The following COL18A1 variants were observed in gnomAD, a reference collection of about 807,000 sequenced individuals.
COL18A1 encodes the protein collagen type XVIII alpha 1 chain.
Under a neutral mutation model 168.0 loss-of-function variants are expected in COL18A1, and 133 were observed. The ratio of observed to expected loss-of-function variants is 0.79; its 90% CI spans 0.69 to 0.91. COL18A1 has a LOEUF of 0.91. COL18A1 is among the 40% of genes least tolerant of loss of function. The probability of loss-of-function intolerance (pLI) is 0.00; values close to 1 mark genes in which losing one functional copy is unlikely to be tolerated. For missense variants in COL18A1, 2,126 were observed against 1,925.4 expected, an observed-to-expected ratio of 1.10 and a Z score of -1.95; for synonymous variants, 949 against 809.0, an observed-to-expected ratio of 1.17 and a Z score of -2.94.
Position 45,512,495 on chromosome 21 carries a change from C to A in COL18A1, c.*97C>A. ...GCCGGCCAGCCCCTGGCCCCAGGAC[C>A]TGGCTGCCATACTTTCCTGTATAGT... On this transcript the variant is annotated 3_prime_UTR_variant, in exon 42 of 42. Coordinates refer to ENST00000651438, the MANE Select transcript of COL18A1 (RefSeq NM_001379500.1). 1.8e-6 allele frequency: 2 copies of A among 1,136,052 alleles called. No individual in the cohort carries two copies. The highest frequency in any genetic ancestry group is 2.6e-6 in the Non-Finnish European group (2 of 773,228). 70.4% of individuals were successfully genotyped at this position (1,136,052 alleles called of 1,614,324 possible). A position where few individuals can be genotyped will look rare whatever the true frequency, so the allele number is the denominator to read the frequency against.
Position 45,425,350 on chromosome 21 carries a change from C to T in COL18A1, c.106+19877C>T, listed in dbSNP as rs1274678143. 6.6e-6 allele frequency among the ~76,000 whole-genome samples: 1 copy of T among 152,164 alleles called. No homozygotes were observed. Among genetic ancestry groups the T allele is most frequent in the Non-Finnish European group, 1.5e-5 (1 of 68,028 alleles). ...CTCCCTGGACACGCCTGTCAGAGCC[C>T]CAGACTGGGCTCCCCTGGAGGACCC... On this transcript the variant is annotated intron_variant, in intron 2 of 41. Coordinates refer to ENST00000651438, the MANE Select transcript of COL18A1 (RefSeq NM_001379500.1). This position sits in a 1 kb window ranked among gnomAD's most constrained non-coding sequence, Gnocchi z 4.1.
chr21:45,450,341 G>A (rs912721756), intron 2 of COL18A1, among the ~76,000 whole-genome samples: 3 of 152,306 alleles, frequency 2.0e-5, no homozygotes, highest in Non-Finnish European at 4.4e-5. Flanking sequence ...CCAGCCTTCA[G>A]GGTCGAGGTG....
intron 2 of COL18A1, chr21:45,456,471 C>T (rs1357223409): frequency 1.9e-5 from 29 of 1,545,422 alleles, no homozygotes; most frequent in East Asian, 7.4e-5. Context: ...TCTGTGGGGC[C>T]GGGTCTTGCT....
Position 45,504,541 on chromosome 21 carries a change from C to G in COL18A1, c.2853C>G (p.Gly951=). 1 of 1,576,896 alleles carries G rather than the reference C, an allele frequency of 6.3e-7. No individual in the cohort carries two copies. Among genetic ancestry groups the G allele is most frequent in the Non-Finnish European group, 8.6e-7 (1 of 1,162,290 alleles). The change falls in exon 34 of 42, where the codon GGC becomes GGG. Residue 951 remains glycine (G), a synonymous_variant. Coordinates refer to ENST00000651438, the MANE Select transcript of COL18A1 (RefSeq NM_001379500.1). The part of the protein sequence containing the change: ...PGPPGPPGPR[G]YPGIPGPKGE... ...CCCCAGGCCCCCCAGGCCCACGTGG[C>G]TACCCTGGGATTCCAGTAAGTCCCA...
At position 45,427,344 on chromosome 21, in the gene COL18A1, A is replaced by G. The variant is rs147955202; in HGVS notation, c.106+21871A>G. ...TTCTGGGGCAATTCTTAAGGCTGGC[A>G]TTGAATCAGGAGGCCAGATGTGGCC... On this transcript the variant is annotated intron_variant, in intron 2 of 41. Coordinates refer to ENST00000651438, the MANE Select transcript of COL18A1 (RefSeq NM_001379500.1). 9.1e-3 allele frequency among the ~76,000 whole-genome samples: 1,382 copies of G among 152,224 alleles called. 10 individuals carry two copies. The highest frequency in any genetic ancestry group is 0.012 in the Non-Finnish European group (850 of 68,014).
chr21:45,464,113 C>T (rs1368285662), intron 2 of COL18A1, among the ~76,000 whole-genome samples: 1 of 152,124 alleles, frequency 6.6e-6, no homozygotes, highest in Non-Finnish European at 1.5e-5. Context: ...GGAAGAGACA[C>T]ACATCTGCGG....
chr21:45,480,544 G>A (rs369725917), intron 12 of COL18A1, 24 bp downstream of exon 12: 185 of 1,614,016 alleles, frequency 1.1e-4, no homozygotes, highest in East Asian at 1.1e-3. Flanking sequence ...AAACTGCAGC[G>A]CTGCCCGATG....
chr21:45,487,041 GC>G (rs2036139617), intron 16 of COL18A1, 49 bp downstream of exon 16: 2 of 1,467,774 alleles, frequency 1.4e-6, no homozygotes, highest in Admixed American at 2.5e-5. Flanking sequence ...GGCTGCCGTT[GC>G]CCCAGCCCTA....
intron 6 of COL18A1, 74 bp from the exon 7 acceptor site, chr21:45,477,337 C>G: frequency 8.0e-7 from 1 of 1,244,656 alleles, no homozygotes; most frequent in South Asian, 1.3e-5. Context: ...CTGCCGGGGC[C>G]GTCTGGGGTG....
Position 45,485,149 on chromosome 21 carries a change from A to ATTTTTTTTTTTTT in COL18A1, c.1702-1693_1702-1681dup, listed in dbSNP as rs751718038. ...AGGCATCTGCCACCACACCTGGCTA[A>ATTTTTTTTTTTTT]TTTTTTTTTTTTTTTTTTTTTTTTT... On this transcript the variant is annotated intron_variant, in intron 15 of 41. Transcript: ENST00000651438. Among the ~76,000 whole-genome samples the ATTTTTTTTTTTTT allele has an allele frequency of 1.7e-3, 95 of 55,084 alleles. 10 individuals are homozygous for ATTTTTTTTTTTTT. Among genetic ancestry groups the ATTTTTTTTTTTTT allele is most frequent in the Non-Finnish European group, 2.2e-3 (66 of 30,148 alleles). 36.1% of individuals were successfully genotyped at this position (55,084 alleles called of 152,430 possible). A position where few individuals can be genotyped will look rare whatever the true frequency, so the allele number is the denominator to read the frequency against.
intron 2 of COL18A1, among the ~76,000 whole-genome samples, chr21:45,412,249 T>C (rs943304199): frequency 2.6e-5 from 4 of 150,994 alleles, no homozygotes; most frequent in Non-Finnish European, 5.9e-5. Context: ...TTTTTTTTTT[T>C]TTTTCGAGAT....
chr21:45,431,347 G>A (rs1232088305), intron 2 of COL18A1, among the ~76,000 whole-genome samples: 2 of 151,178 alleles, frequency 1.3e-5, no homozygotes, highest in Non-Finnish European at 2.9e-5. Context: ...GTGTGGACCC[G>A]GCGGCCCAGG....
At chr21:45,476,647 C>T (rs1170324999) in intron 6 of COL18A1, among the ~76,000 whole-genome samples, 167 bp downstream of exon 6, 2 of 150,974 alleles carry the variant, frequency 1.3e-5, no homozygotes, top group South Asian at 2.1e-4. Context: ...AAATATATGG[C>T]AGGTGTTTGA....
chr21:45,465,429 G>A (rs142935982), intron 2 of COL18A1, among the ~76,000 whole-genome samples: 1 of 152,214 alleles, frequency 6.6e-6, no homozygotes, highest in African/African-American at 2.4e-5. Flanking sequence ...TGTTTGTTCT[G>A]AGGCCGTTTT....
In COL18A1 at chr21:45,471,992, G is replaced by A. The variant is rs888723205; in HGVS notation, c.652-1903G>A. Among the ~76,000 whole-genome samples, 3 of 152,000 alleles carry A rather than the reference G, an allele frequency of 2.0e-5. No individual in the cohort carries two copies. Among genetic ancestry groups the A allele is most frequent in the South Asian group, 2.1e-4 (1 of 4,820 alleles). On this transcript the variant is annotated intron_variant, in intron 3 of 41. Transcript: ENST00000651438. This position sits in a 1 kb window ranked among gnomAD's most constrained non-coding sequence, Gnocchi z 4.4. ...CAGAGCTTCTCTGCCCTCTGTAGTC[G>A]CCCCCCACCCAGGCACCCTGTAGCC... is the stretch of plus-strand genomic sequence containing the variant.
At position 45,473,780 on chromosome 21, in the gene COL18A1, T is replaced by C. The variant is rs1026773678; in HGVS notation, c.652-115T>C. ...GGGAGGCTGCCCGAGACCCCTTCCC[T>C]CTCCGAGACTCTCCTGCCCTTTGTG... On this transcript the variant is annotated intron_variant, in intron 3 of 41. Transcript: ENST00000651438. This position sits in a 1 kb window ranked among gnomAD's most constrained non-coding sequence, Gnocchi z 4.0. The C allele has an allele frequency of 8.7e-5, 75 of 859,388 alleles. No homozygotes were observed. Among genetic ancestry groups the C allele is most frequent in the Admixed American group, 1.4e-4 (7 of 50,006 alleles). The allele number at this position is 859,388 out of a possible 1,614,324, so 53.2% of individuals were successfully genotyped here. A position where few individuals can be genotyped will look rare whatever the true frequency, so the allele number is the denominator to read the frequency against.
At position 45,511,116 on chromosome 21, in the gene COL18A1, G is replaced by C. The variant is rs1447453546; in HGVS notation, c.3699G>C (p.Glu1233Asp). Residue 1233 changes from glutamate (E) to aspartate (D), a missense_variant, in exon 41 of 42, where the codon GAG becomes GAC. Physicochemically the swap from Glu to Asp is conservative, Grantham distance 45 (BLOSUM62 2). Coordinates refer to ENST00000651438, the MANE Select transcript of COL18A1 (RefSeq NM_001379500.1). ...AAVPIVNLKD[E>D]LLFPSWEALF... ...ACACACGGTTTCTCTTCCAGGACGA[G>C]CTGCTGTTTCCCAGCTGGGAGGCTC... 6.4e-7 allele frequency: 1 copy of C among 1,566,146 alleles called. No individual in the cohort carries two copies. The highest frequency in any genetic ancestry group is 8.7e-7 in the Non-Finnish European group (1 of 1,151,640).
rs1033513192 is a variant in COL18A1, at chr21:45,450,161, C to T, written c.107-18081C>T. Among the ~76,000 whole-genome samples the T allele has an allele frequency of 3.3e-5, 5 of 152,154 alleles. No individual in the cohort carries two copies. In the East Asian group the frequency reaches 9.6e-4, roughly 29 times the overall value. On this transcript the variant is annotated intron_variant, in intron 2 of 41. Coordinates refer to ENST00000651438, the MANE Select transcript of COL18A1 (RefSeq NM_001379500.1). ...CTCCAGGAGCCTGCCTGGGCCTGTCCTTGGACAGTCTCTGGTCCCTGGGGA... is the reference window on the plus strand; with the variant it reads ...CTCCAGGAGCCTGCCTGGGCCTGTCTTTGGACAGTCTCTGGTCCCTGGGGA...
Position 45,412,734 on chromosome 21 carries a change from G to A in COL18A1, c.106+7261G>A, listed in dbSNP as rs2033335454. ...GGCCGTGAGGGTCCTGCAAGTGAAG[G>A]TGCTTGAGGCCTCAGTGCCTGTGGG... On this transcript the variant is annotated intron_variant, in intron 2 of 41. Coordinates refer to ENST00000651438, the MANE Select transcript of COL18A1 (RefSeq NM_001379500.1). 2.0e-5 allele frequency among the ~76,000 whole-genome samples: 3 copies of A among 152,358 alleles called. No individual in the cohort carries two copies. The South Asian group carries it at 6.2e-4, about 32-fold the overall frequency.
Sources: gnomAD v4.1 joint callset for allele counts (sites outside exome capture counted in the v4.1 genomes callset) on GRCh38, gnomAD v4.1.1 for gene constraint, Gnocchi (gnomAD v3.1) non-coding constraint, MANE v1.5 for transcripts, NCBI Gene and HGNC (gene_info 2026-07-23, HGNC 2026-07-21) for gene names.